The following PRMT7 variants were observed in gnomAD, a reference collection of about 807,000 sequenced individuals.
PRMT7 encodes the protein protein arginine N-methyltransferase 7.
A neutral mutation model predicts 85.4 loss-of-function variants in PRMT7; 75 were observed. That is an observed-to-expected ratio of 0.88 (90% CI 0.73 to 1.06). The LOEUF is 1.06. Ranked by LOEUF, PRMT7 falls within the 50% of genes least tolerant of loss-of-function variation. The pLI is 0.00. For missense variants in PRMT7, 868 were observed against 915.2 expected (o/e 0.95, Z 0.67); for synonymous variants, 397 against 359.5 (o/e 1.10, Z -1.18).
chr16:68,353,558 A>T lies in PRMT7; in HGVS notation c.1642A>T (p.Met548Leu). 1 of 1,582,070 alleles carries T rather than the reference A, an allele frequency of 6.3e-7. No homozygotes were observed. The highest frequency in any genetic ancestry group is 8.6e-7 in the Non-Finnish European group (1 of 1,164,938). Residue 548 changes from methionine to leucine, a missense_variant, in exon 16 of 19, where the codon ATG (methionine) becomes TTG (leucine). Met to Leu is a conservative substitution (Grantham distance 15, BLOSUM62 2). Transcript: ENST00000441236. ...EGFDVHIMDD[M>L]IKRALDFRES... ...CTTCGACGTGCACATCATGGACGACATGATTAAGGTAGGCAGGGCCACACT... is the reference window on the plus strand; with the variant it reads ...CTTCGACGTGCACATCATGGACGACTTGATTAAGGTAGGCAGGGCCACACT...
At chr16:68,320,950 T>A (rs1239655428) in intron 3 of PRMT7, among the ~76,000 whole-genome samples, 11 of 151,182 alleles carry the variant, frequency 7.3e-5, no homozygotes, top group Admixed American at 6.6e-4. Context: ...CTGGGTGACA[T>A]AACGAGACCC....
At position 68,339,636 on chromosome 16, in the gene PRMT7, T is replaced by C. The variant is rs2085222881; in HGVS notation, c.746+73T>C. ...AAGTTGGGTATTAGGAGGTTCTTTT[T>C]GAGTGGGAAGGAAATCTAGCTGCTG... On this transcript the variant is annotated intron_variant, in intron 8 of 18. Transcript: ENST00000441236. 1.1e-5 allele frequency: 18 copies of C among 1,600,144 alleles called. No individual in the cohort carries two copies. In the South Asian group the frequency reaches 1.9e-4, roughly 17 times the overall value.
At chr16:68,313,497 C>T (rs1041604832) in intron 2 of PRMT7, among the ~76,000 whole-genome samples, 10 of 152,298 alleles carry the variant, frequency 6.6e-5, no homozygotes, top group African/African-American at 2.4e-4. Flanking sequence ...TTGTCTAAGC[C>T]TTTCTAATTG....
In PRMT7 at chr16:68,339,514, G is replaced by C. The variant is rs1031840720; in HGVS notation, c.697G>C (p.Val233Leu). The change falls in exon 8 of 19, where the codon GTG (valine) becomes CTG (leucine). Residue 233 changes from valine to leucine, a missense_variant. Val to Leu is a conservative substitution (Grantham distance 32). Transcript: ENST00000441236. ...TGTCTGTGACATTCAGCTGAACCAG[G>C]TGTCACCAGCCGACTTTACAGTCCT... Reference protein sequence around the residue: ...PSVCDIQLNQVSPADFTVLSD... With the variant: ...PSVCDIQLNQLSPADFTVLSD... The C allele has an allele frequency of 1.2e-6, 2 of 1,614,024 alleles. No homozygotes were observed. Among genetic ancestry groups the C allele is most frequent in the Non-Finnish European group, 1.7e-6 (2 of 1,180,046 alleles).
At chr16:68,353,435 C>T (rs751320732) in intron 15 of PRMT7, 57 bp from the exon 16 acceptor site, 1 of 1,606,000 alleles carries the variant, frequency 6.2e-7, no homozygotes, top group African/African-American at 1.3e-5. Flanking sequence ...GTTCTTGCTG[C>T]CACGCTTCCC....
intron 4 of PRMT7, chr16:68,322,421 C>T (rs764225329): frequency 4.4e-6 from 2 of 450,252 alleles, no homozygotes; most frequent in Non-Finnish European, 8.9e-6. Context: ...TGGTCTTGAT[C>T]CCCTGAGGTC....
At position 68,356,736 on chromosome 16, in the gene PRMT7, A is replaced by T. The variant is rs747836156; in HGVS notation, c.1847A>T (p.Glu616Val). The T allele has an allele frequency of 1.9e-6, 3 of 1,611,710 alleles. No homozygotes were observed. The Admixed American group carries it at 5.0e-5, about 27-fold the overall frequency. The change falls in exon 18 of 19, where the codon GAG (glutamate) becomes GTG (valine). Residue 616 changes from glutamate (E) to valine (V), a missense_variant. Transcript: ENST00000441236. ...AGCCACGCAGCGGTGCTATGGATGG[A>T]GTACCACCTGACCCCGGAGTGCACG... ...GQSHAAVLWM[E>V]YHLTPECTLS...
intron 14 of PRMT7, among the ~76,000 whole-genome samples, chr16:68,349,219 T>C (rs998173918): frequency 1.3e-5 from 2 of 152,118 alleles, no homozygotes; most frequent in Non-Finnish European, 2.9e-5. Flanking sequence ...CGCTTTCCCC[T>C]CACCTTCCTG....
chr16:68,345,729 G>C lies in PRMT7; in HGVS notation c.982G>C (p.Val328Leu), dbSNP rs1405242371. 1 of 1,614,144 alleles carries C rather than the reference G, an allele frequency of 6.2e-7. No individual in the cohort carries two copies. Residue 328 changes from valine to leucine, a missense_variant, in exon 10 of 19, where the codon GTG becomes CTG. By Grantham distance (32) the Val-to-Leu change is conservative. Coordinates refer to ENST00000441236, the MANE Select transcript of PRMT7 (RefSeq NM_019023.5). Reference sequence around the variant, plus strand: ...CTTCCTGCCACAAGAGGAGCCTGTGGTGCAGGGCTCAGCGCTCTATCTGGT... The same window carrying C: ...CTTCCTGCCACAAGAGGAGCCTGTGCTGCAGGGCTCAGCGCTCTATCTGGT... ...VYFLPQEEPV[V>L]QGSALYLVAH...
chr16:68,335,613 C>T (rs971322576), intron 6 of PRMT7, among the ~76,000 whole-genome samples: 5 of 151,560 alleles, frequency 3.3e-5, no homozygotes, highest in Admixed American at 2.0e-4. Flanking sequence ...TTCATCATCC[C>T]GACCACCACC....
intron 4 of PRMT7, 25 bp from the exon 5 acceptor site, chr16:68,324,658 T>C (rs1374541198): frequency 1.2e-6 from 2 of 1,613,324 alleles, no homozygotes; most frequent in South Asian, 2.2e-5. Context: ...TAACTGGTAG[T>C]AAGTGACGGC....
chr16:68,311,297 G>A (rs1346041876), intron 1 of PRMT7, 198 bp downstream of exon 1: 3 of 343,188 alleles, frequency 8.7e-6, no homozygotes, highest in Non-Finnish European at 1.7e-5. Flanking sequence ...CAGTGCAGCC[G>A]GGTGCCTGCC....
At chr16:68,352,981 C>T (rs957219139) in intron 15 of PRMT7, among the ~76,000 whole-genome samples, 1 of 152,170 alleles carries the variant, frequency 6.6e-6, no homozygotes, top group South Asian at 2.1e-4. Context: ...TCCTGTGTTA[C>T]TTGTTTACCT....
At chr16:68,328,713 A>C (rs1396211088) in intron 5 of PRMT7, among the ~76,000 whole-genome samples, 1 of 152,048 alleles carries the variant, frequency 6.6e-6, no homozygotes, top group Non-Finnish European at 1.5e-5. Flanking sequence ...TCACACCTAC[A>C]GTCTGCTCTC....
chr16:68,323,321 T>C (rs1655345477), intron 4 of PRMT7, among the ~76,000 whole-genome samples: 2 of 151,542 alleles, frequency 1.3e-5, no homozygotes, highest in Admixed American at 6.6e-5. Flanking sequence ...CGAGTTCAAG[T>C]GATTCTCCTG....
chr16:68,339,864 G>A lies in PRMT7; in HGVS notation c.823G>A (p.Ala275Thr). 1.2e-6 allele frequency: 2 copies of A among 1,614,198 alleles called. No homozygotes were observed. The highest frequency in any genetic ancestry group is 8.5e-7 in the Non-Finnish European group (1 of 1,180,008). Residue 275 changes from alanine (A) to threonine (T), a missense_variant, in exon 9 of 19, where the codon GCT becomes ACT. Coordinates refer to ENST00000441236, the MANE Select transcript of PRMT7 (RefSeq NM_019023.5). ...RRFEPLTSGR[A>T]QVVLSWWDIE... Reference sequence around the variant, plus strand: ...GTTTGAACCTCTGACATCTGGCCGAGCTCAGGTGGTTCTCTCGTGGTGGGA... The same window carrying A: ...GTTTGAACCTCTGACATCTGGCCGAACTCAGGTGGTTCTCTCGTGGTGGGA...
In PRMT7 at chr16:68,356,702, C is replaced by G. The variant is rs758466691; in HGVS notation, c.1813C>G (p.Pro605Ala). 2.5e-6 allele frequency: 4 copies of G among 1,611,476 alleles called. 1 individual carries two copies. In the South Asian group the frequency reaches 4.4e-5, roughly 18 times the overall value. Residue 605 changes from proline (P) to alanine (A), a missense_variant and splice_region_variant, in exon 18 of 19, where the codon CCC (proline) becomes GCC (alanine). Physicochemically the swap from Pro to Ala is conservative, Grantham distance 27. Transcript: ENST00000441236. ...CAEGTVELRR[P>A]GQSHAAVLWM... ...GCTGGGCCCCCCTCTCCTTGACAGG[C>G]CCGGGCAGAGCCACGCAGCGGTGCT...
intron 6 of PRMT7, among the ~76,000 whole-genome samples, chr16:68,334,695 C>G (rs2084395325): frequency 6.6e-6 from 1 of 152,134 alleles, no homozygotes; most frequent in African/African-American, 2.4e-5. Context: ...TTCAGACTCC[C>G]CCACCCCGTG....
rs760468348 is a variant in PRMT7, at chr16:68,311,077, G to A, written c.-241G>A. 1 of 769,036 alleles carries A rather than the reference G, an allele frequency of 1.3e-6. No individual in the cohort carries two copies. The highest frequency in any genetic ancestry group is 1.5e-5 in the South Asian group (1 of 67,830). The allele number at this position is 769,036 out of a possible 1,614,324, so 47.6% of individuals were successfully genotyped here. On this transcript the variant is annotated 5_prime_UTR_variant, in exon 1 of 19. Transcript: ENST00000441236. ...CGGTAAAAGTGGTAGCAGCGGAGGC[G>A]AGCGGAGGGTTTCCCGCGGCGGGTG...
Sources: gnomAD v4.1 joint callset for allele counts (sites outside exome capture counted in the v4.1 genomes callset) on GRCh38, gnomAD v4.1.1 for gene constraint, MANE v1.5 for transcripts, NCBI Gene and HGNC (gene_info 2026-07-23, HGNC 2026-07-21) for gene names.